The following CFAP20DC variants were observed in gnomAD, a reference collection of about 807,000 sequenced individuals.
The protein encoded by CFAP20DC is protein CFAP20DC.
Under a neutral mutation model 101.7 loss-of-function variants are expected in CFAP20DC, and 84 were observed. The ratio of observed to expected loss-of-function variants is 0.83; its 90% CI spans 0.69 to 0.99. The LOEUF (loss-of-function observed/expected upper bound fraction) is 0.99, where lower values mean the gene tolerates loss of function less well. Ranked by LOEUF, CFAP20DC falls within the 50% of genes least tolerant of loss-of-function variation. The probability of loss-of-function intolerance (pLI) is 0.00; values close to 1 mark genes in which losing one functional copy is unlikely to be tolerated. For synonymous variants in CFAP20DC, 359 were observed against 351.2 expected (o/e 1.02, Z -0.25); for missense variants, 1,007 against 970.3 (o/e 1.04, Z -0.50).
At chr3:58,938,159 C>A (rs1305453154) in intron 4 of CFAP20DC, among the ~76,000 whole-genome samples, 3 of 152,150 alleles carry the variant, frequency 2.0e-5, no homozygotes, top group Non-Finnish European at 4.4e-5. Flanking sequence ...TTATGGGTTT[C>A]TTTCCCTAAA....
intron 14 of CFAP20DC, among the ~76,000 whole-genome samples, chr3:58,826,707 G>A (rs1472163929): frequency 2.0e-5 from 3 of 152,182 alleles, no homozygotes; most frequent in Non-Finnish European, 4.4e-5. Context: ...AACTAGCTGT[G>A]ATGCCTTGTG....
At chr3:59,009,765 C>T (rs1576695115) in intron 4 of CFAP20DC, among the ~76,000 whole-genome samples, 1 of 152,116 alleles carries the variant, frequency 6.6e-6, no homozygotes, top group Admixed American at 6.6e-5. Context: ...CCTAGGCACA[C>T]AGTCATCAGG....
intron 15 of CFAP20DC, among the ~76,000 whole-genome samples, chr3:58,763,651 T>C (rs2069919040): frequency 1.3e-5 from 2 of 152,252 alleles, no homozygotes; most frequent in African/African-American, 2.4e-5. Flanking sequence ...GTTCTGTTTT[T>C]TCCCCATCTT....
intron 13 of CFAP20DC, among the ~76,000 whole-genome samples, chr3:58,838,355 T>C (rs1327409997): frequency 6.6e-6 from 1 of 152,222 alleles, no homozygotes; most frequent in African/African-American, 2.4e-5. Context: ...CCAGACTTGA[T>C]GCTGCCTTTG....
Position 59,007,707 on chromosome 3 carries a change from C to A in CFAP20DC, c.278+31850G>T, listed in dbSNP as rs938180755. Among the ~76,000 whole-genome samples the A allele has an allele frequency of 6.6e-6, 1 of 152,154 alleles. No homozygotes were observed. Among genetic ancestry groups the A allele is most frequent in the African/African-American group, 2.4e-5 (1 of 41,426 alleles). ...ATCACAGGACTCTTTGCAGACATTC[C>A]CCAGCAGCAGTCTGGAGCCTGGTAG... On this transcript the variant is annotated intron_variant, in intron 4 of 16. Transcript: ENST00000482387. The surrounding 1 kb of genome is among the most constrained non-coding windows in gnomAD (Gnocchi z 4.4).
intron 4 of CFAP20DC, among the ~76,000 whole-genome samples, chr3:58,998,833 G>A (rs1199838144): frequency 6.6e-6 from 1 of 152,218 alleles, no homozygotes; most frequent in Non-Finnish European, 1.5e-5. Context: ...TCATGAGCAA[G>A]AAATAAATGC....
intron 4 of CFAP20DC, among the ~76,000 whole-genome samples, chr3:59,011,166 G>T (rs1330307777): frequency 1.3e-5 from 2 of 152,316 alleles, no homozygotes; most frequent in Admixed American, 6.5e-5. Context: ...GGAAGCCCAA[G>T]GCGGGAGAAT....
At chr3:59,040,861 A>G (rs1699311346) in intron 3 of CFAP20DC, among the ~76,000 whole-genome samples, 1 of 152,068 alleles carries the variant, frequency 6.6e-6, no homozygotes, top group African/African-American at 2.4e-5. Flanking sequence ...ACCTTTACTT[A>G]AAAGTACTAA....
chr3:58,998,387 C>A (rs1467549805), intron 4 of CFAP20DC, among the ~76,000 whole-genome samples: 2 of 152,116 alleles, frequency 1.3e-5, no homozygotes, highest in African/African-American at 4.8e-5. Flanking sequence ...TGGGTGATAA[C>A]AATATCAAAC....
chr3:58,961,271 T>C (rs1463864251), intron 4 of CFAP20DC, among the ~76,000 whole-genome samples: 1 of 152,130 alleles, frequency 6.6e-6, no homozygotes, highest in Non-Finnish European at 1.5e-5. Context: ...AACTGTGCCT[T>C]GGCCAGGTGC....
At chr3:59,032,973 G>T (rs1273193658) in intron 4 of CFAP20DC, among the ~76,000 whole-genome samples, 1 of 152,204 alleles carries the variant, frequency 6.6e-6, no homozygotes, top group East Asian at 1.9e-4. Flanking sequence ...TGGCAGGTGT[G>T]CCTCTGGGAT....
chr3:58,751,840 A>AACACACACACACACAC lies in CFAP20DC; in HGVS notation c.2332+1913_2332+1928dup, dbSNP rs58961774. ...TTTGTGTCTCAGTTTCCTCAGCTGTAACACACACACACACACACACACACA... is the reference window on the plus strand; with the variant it reads ...TTTGTGTCTCAGTTTCCTCAGCTGTAACACACACACACACACACACACACACACACACACACACACA... On this transcript the variant is annotated intron_variant, in intron 16 of 16. Transcript: ENST00000482387. 1.4e-4 allele frequency among the ~76,000 whole-genome samples: 20 copies of AACACACACACACACAC among 140,734 alleles called. 1 individual carries two copies. Among genetic ancestry groups the AACACACACACACACAC allele is most frequent in the African/African-American group, 5.7e-4 (20 of 35,306 alleles). The allele number at this position is 140,734 out of a possible 152,430, so 92.3% of individuals were successfully genotyped here.
chr3:58,820,398 T>C (rs1260473299), intron 14 of CFAP20DC, among the ~76,000 whole-genome samples: 9 of 150,502 alleles, frequency 6.0e-5, no homozygotes, highest in Admixed American at 3.3e-4. Context: ...AAAACCCCAT[T>C]GTCTCAGCCC....
At chr3:58,905,827 T>G (rs1273469028) in intron 6 of CFAP20DC, among the ~76,000 whole-genome samples, 1 of 152,204 alleles carries the variant, frequency 6.6e-6, no homozygotes, top group East Asian at 1.9e-4. Context: ...AGATATCTGT[T>G]ACTTATTGCA....
chr3:58,759,288 G>A (rs982089853), intron 15 of CFAP20DC, among the ~76,000 whole-genome samples: 1 of 152,244 alleles, frequency 6.6e-6, no homozygotes, highest in African/African-American at 2.4e-5. Context: ...CTGATGGCCA[G>A]TGATGGTGAG....
At chr3:58,761,745 C>T (rs2069622731) in intron 15 of CFAP20DC, among the ~76,000 whole-genome samples, 1 of 152,190 alleles carries the variant, frequency 6.6e-6, no homozygotes, top group Non-Finnish European at 1.5e-5. Flanking sequence ...TGTCTTTGTT[C>T]TCTTTGGTTT....
At chr3:58,867,728 T>C (rs1425867926) in intron 10 of CFAP20DC, 89 bp downstream of exon 10, 3 of 1,481,598 alleles carry the variant, frequency 2.0e-6, no homozygotes, top group Admixed American at 1.8e-5. Flanking sequence ...GATTGGTTCA[T>C]AATCCTTTGA....
At chr3:58,909,643 T>C (rs1455354445) in intron 6 of CFAP20DC, among the ~76,000 whole-genome samples, 3 of 152,168 alleles carry the variant, frequency 2.0e-5, no homozygotes, top group Non-Finnish European at 4.4e-5. Flanking sequence ...AGTCATCCTT[T>C]GAATTCTTTT....
chr3:58,937,651 T>C lies in CFAP20DC; in HGVS notation c.390A>G (p.Lys130=). The C allele has an allele frequency of 1.3e-6, 2 of 1,576,264 alleles. No homozygotes were observed. Among genetic ancestry groups the C allele is most frequent in the Non-Finnish European group, 1.7e-6 (2 of 1,145,758 alleles). Residue 130 remains lysine (K), a synonymous_variant, in exon 5 of 17, where the codon AAA becomes AAG. Coordinates refer to ENST00000482387, the MANE Select transcript of CFAP20DC (RefSeq NM_001394063.1). ...GCAACATTCATGTGATACTTACAATTTTACGTTTGATCATGAAGAGTGGAA... is the reference window on the plus strand; with the variant it reads ...GCAACATTCATGTGATACTTACAATCTTACGTTTGATCATGAAGAGTGGAA... ...AKIPLFMIKR[K]IWCNLCIDLV...
Sources: allele counts gnomAD v4.1 joint callset (sites outside exome capture counted in the v4.1 genomes callset), GRCh38; gene constraint gnomAD v4.1.1; non-coding constraint Gnocchi (gnomAD v3.1); transcripts MANE v1.5; gene names NCBI Gene and HGNC (gene_info 2026-07-23, HGNC 2026-07-21).